Variants in PDS5B observed in about 807,000 individuals in gnomAD.
The protein encoded by PDS5B is PDS5 cohesin associated factor B.
PDS5B carries 51 observed loss-of-function variants against 184.1 expected under a neutral mutation model. The ratio of observed to expected loss-of-function variants is 0.28; its 90% CI spans 0.22 to 0.35. The LOEUF is 0.35. PDS5B is among the 10% of genes least tolerant of loss of function. The pLI is 1.00. For synonymous variants in PDS5B, 566 were observed against 569.2 expected (o/e 0.99, Z 0.08); for missense variants, 1,180 against 1,723.3 (o/e 0.68, Z 5.58).
At chr13:32,688,595 T>C in intron 13 of PDS5B, 26 bp downstream of exon 13, 1 of 1,290,298 alleles carries the variant, frequency 7.8e-7, no homozygotes, top group Non-Finnish European at 1.1e-6. Flanking sequence ...CAAATTCTGT[T>C]CTTTTCATCC....
At chr13:32,770,988 A>G in intron 33 of PDS5B, 1 of 511,456 alleles carries the variant, frequency 2.0e-6, no homozygotes, top group East Asian at 3.3e-5. Flanking sequence ...CAAATAGTAT[A>G]TTATTTCCTA....
At chr13:32,593,267 G>A (rs980265793) in intron 1 of PDS5B, among the ~76,000 whole-genome samples, 2 of 152,204 alleles carry the variant, frequency 1.3e-5, no homozygotes, top group African/African-American at 4.8e-5. Context: ...GAAGGGGTTA[G>A]GGGCACCAAC....
intron 6 of PDS5B, 121 bp from the exon 7 acceptor site, chr13:32,667,643 T>C (rs1950836959): frequency 1.6e-6 from 1 of 624,270 alleles, no homozygotes; most frequent in African/African-American, 1.9e-5. Flanking sequence ...GCCTTCTCTC[T>C]TTTATTCCAA....
chr13:32,642,372 GAC>G (rs2140628496), intron 1 of PDS5B, among the ~76,000 whole-genome samples: 1 of 152,244 alleles, frequency 6.6e-6, no homozygotes, highest in Non-Finnish European at 1.5e-5. Context: ...TAGTGGGAGA[GAC>G]AAAGATAGAA....
chr13:32,683,315 A>ATTTTT (rs529817272), intron 10 of PDS5B, among the ~76,000 whole-genome samples: 5 of 119,904 alleles, frequency 4.2e-5, no homozygotes, highest in African/African-American at 6.3e-5. Flanking sequence ...GGCCTTTAAA[A>ATTTTT]TTTTTTTTTT....
chr13:32,709,640 T>C (rs1440903140), intron 18 of PDS5B, among the ~76,000 whole-genome samples: 1 of 152,066 alleles, frequency 6.6e-6, no homozygotes, highest in Non-Finnish European at 1.5e-5. Flanking sequence ...CCTTTTCTCC[T>C]CTCATTCCCC....
chr13:32,688,304 A>C (rs982963618), intron 12 of PDS5B, 152 bp from the exon 13 acceptor site: 1 of 530,454 alleles, frequency 1.9e-6, no homozygotes, highest in African/African-American at 1.9e-5. Context: ...CCTTCTATCT[A>C]CAGATAGAAG....
intron 8 of PDS5B, among the ~76,000 whole-genome samples, chr13:32,674,342 A>T (rs1951012740): frequency 6.6e-6 from 1 of 152,110 alleles, no homozygotes; most frequent in Non-Finnish European, 1.5e-5. Flanking sequence ...TGGTAATGTG[A>T]ACACCCCAAG....
chr13:32,597,871 AGT>A (rs2057904696), intron 1 of PDS5B, among the ~76,000 whole-genome samples: 1 of 151,766 alleles, frequency 6.6e-6, no homozygotes, highest in Admixed American at 6.6e-5. Context: ...AATTAATTTC[AGT>A]GTTAACATAA....
intron 1 of PDS5B, among the ~76,000 whole-genome samples, chr13:32,610,410 A>G (rs2058123006): frequency 6.6e-6 from 1 of 152,202 alleles, no homozygotes; most frequent in South Asian, 2.1e-4. Flanking sequence ...TAATGTCTTG[A>G]TGTATTCCAG....
chr13:32,703,780 A>T (rs919565675), intron 17 of PDS5B, among the ~76,000 whole-genome samples: 17 of 152,200 alleles, frequency 1.1e-4, no homozygotes, highest in African/African-American at 4.1e-4. Context: ...TTGTCATTTT[A>T]TAGGTGAATG....
chr13:32,596,444 T>A lies in PDS5B; in HGVS notation c.-20+9851T>A, dbSNP rs183759867. Among the ~76,000 whole-genome samples the A allele has an allele frequency of 1.1e-4, 17 of 152,332 alleles. No individual in the cohort carries two copies. In the East Asian group the frequency reaches 3.3e-3, roughly 29 times the overall value. Reference sequence around the variant, plus strand: ...GATGGACATTTGGGTAGAATCCAGTTTTTGACTATTATGAATAAGGCCTAT... The same window carrying A: ...GATGGACATTTGGGTAGAATCCAGTATTTGACTATTATGAATAAGGCCTAT... On this transcript the variant is annotated intron_variant, in intron 1 of 34. Transcript: ENST00000315596.
chr13:32,712,374 CTG>C (rs1952237133), intron 19 of PDS5B, among the ~76,000 whole-genome samples: 1 of 152,156 alleles, frequency 6.6e-6, no homozygotes, highest in African/African-American at 2.4e-5. Context: ...TGTGCACACA[CTG>C]TTGTTGATGA....
intron 8 of PDS5B, 60 bp downstream of exon 8, chr13:32,673,416 T>C: frequency 7.1e-7 from 1 of 1,409,862 alleles, no homozygotes; most frequent in South Asian, 1.3e-5. Flanking sequence ...GCATTATTTA[T>C]AGCTTTTTAA....
chr13:32,728,626 G>A (rs1300032785), intron 19 of PDS5B, among the ~76,000 whole-genome samples: 2 of 152,088 alleles, frequency 1.3e-5, no homozygotes, highest in East Asian at 3.9e-4. Flanking sequence ...CCTCAACCCA[G>A]GCTCTATTTG....
chr13:32,587,070 G>C (rs1181217250), intron 1 of PDS5B, among the ~76,000 whole-genome samples: 2 of 147,068 alleles, frequency 1.4e-5, no homozygotes. Flanking sequence ...CGGCAGGCGG[G>C]CGGCGCGGTG....
chr13:32,587,322 G>T (rs9591145), intron 1 of PDS5B, among the ~76,000 whole-genome samples: 51,309 of 151,976 alleles, frequency 0.34, 8,892 homozygotes, highest in Non-Finnish European at 0.38. Context: ...GCCAGTTGAG[G>T]AAGAGCCCAG....
At position 32,775,642 on chromosome 13, in the gene PDS5B, A is replaced by G. The variant is rs953300203; in HGVS notation, c.*590A>G. The G allele has an allele frequency of 2.2e-6, 1 of 456,168 alleles. No homozygotes were observed. The highest frequency in any genetic ancestry group is 2.0e-5 in the African/African-American group (1 of 50,072). 28.3% of individuals were successfully genotyped at this position (456,168 alleles called of 1,614,324 possible). A position where few individuals can be genotyped will look rare whatever the true frequency, so the allele number is the denominator to read the frequency against. ...GAGGTGCTAAATTGTCTGCCATTACACCAGAAGGATGCCTCTGATAGGAGG... is the reference window on the plus strand; with the variant it reads ...GAGGTGCTAAATTGTCTGCCATTACGCCAGAAGGATGCCTCTGATAGGAGG... On this transcript the variant is annotated 3_prime_UTR_variant, in exon 35 of 35. Transcript: ENST00000315596.
At chr13:32,660,161 CCCA>C (rs1950606024) in intron 6 of PDS5B, among the ~76,000 whole-genome samples, 1 of 152,158 alleles carries the variant, frequency 6.6e-6, no homozygotes, top group South Asian at 2.1e-4. Context: ...CTGAATGCAG[CCCA>C]CCATGTCCTG....
Sources: gnomAD v4.1 joint callset for allele counts (sites outside exome capture counted in the v4.1 genomes callset) on GRCh38, gnomAD v4.1.1 for gene constraint, MANE v1.5 for transcripts, NCBI Gene and HGNC (gene_info 2026-07-23, HGNC 2026-07-21) for gene names.